Variants in POLN observed in about 807,000 individuals in gnomAD.
POLN encodes the protein DNA polymerase nu, also known as DNA polymerase N.
Under a neutral mutation model 113.5 loss-of-function variants are expected in POLN, and 108 were observed. That is an observed-to-expected ratio of 0.95 (90% CI 0.81 to 1.12). POLN has a LOEUF of 1.12. Ranked by LOEUF, POLN falls within the 50% of genes most tolerant of loss-of-function variation. The probability of loss-of-function intolerance (pLI) is 0.00; values close to 1 mark genes in which losing one functional copy is unlikely to be tolerated. For synonymous variants in POLN, 386 were observed against 391.5 expected, an observed-to-expected ratio of 0.99 and a Z score of 0.17; for missense variants, 1,097 against 1,077.1, an observed-to-expected ratio of 1.02 and a Z score of -0.26.
intron 20 of POLN, chr4:2,090,753 T>C (rs542816190): frequency 1.6e-5 from 3 of 182,510 alleles, no homozygotes; most frequent in African/African-American, 2.4e-5. Context: ...TCTGTCTCCC[T>C]GTAGTGGGAA....
At chr4:2,074,208 C>T (rs34333887) in intron 24 of POLN, among the ~76,000 whole-genome samples, 52 of 152,322 alleles carry the variant, frequency 3.4e-4, no homozygotes, top group African/African-American at 1.2e-3. Flanking sequence ...TCAGCTGGAG[C>T]GCTCCCTGTG....
intron 19 of POLN, among the ~76,000 whole-genome samples, 156 bp from the exon 20 acceptor site, chr4:2,096,089 G>C (rs1730783362): frequency 2.0e-5 from 3 of 152,326 alleles, no homozygotes; most frequent in Admixed American, 2.0e-4. Context: ...TTCCATACCT[G>C]TGGTGTCAGC....
intron 6 of POLN, among the ~76,000 whole-genome samples, chr4:2,196,864 G>A (rs1332134090): frequency 2.0e-5 from 3 of 152,180 alleles, no homozygotes; most frequent in African/African-American, 7.2e-5. Context: ...AAAGGAATGA[G>A]GCAGTAAACC....
intron 7 of POLN, among the ~76,000 whole-genome samples, chr4:2,182,952 C>T (rs1026912185): frequency 6.6e-6 from 1 of 151,798 alleles, no homozygotes; most frequent in African/African-American, 2.4e-5. Context: ...ATAATTCTTA[C>T]AAATAAACAA....
chr4:2,238,573 AT>A, intron 2 of POLN: 1 of 1,385,276 alleles, frequency 7.2e-7, no homozygotes, highest in East Asian at 2.4e-5. Flanking sequence ...AAAAGGAAAT[AT>A]TTACTAAAGA....
In POLN at chr4:2,232,711, T is replaced by C. The variant is rs1392628517; in HGVS notation, c.-12-3468A>G. Among the ~76,000 whole-genome samples, 6 of 152,204 alleles carry C rather than the reference T, an allele frequency of 3.9e-5. No individual in the cohort carries two copies. In the East Asian group the frequency reaches 1.2e-3, roughly 29 times the overall value. On this transcript the variant is annotated intron_variant, in intron 2 of 25. Transcript: ENST00000511885. ...CGAAAACCATCCTAATCATATAATT[T>C]TCCTGCTCAAGAATCTAGCCATGCC...
At position 2,176,118 on chromosome 4, in the gene POLN, C is replaced by T. The variant is rs566886273; in HGVS notation, c.1248+148G>A. The T allele has an allele frequency of 1.7e-5, 12 of 687,860 alleles. No homozygotes were observed. In the South Asian group the frequency reaches 2.2e-4, roughly 12 times the overall value. 42.6% of individuals were successfully genotyped at this position (687,860 alleles called of 1,614,324 possible). The stretch of plus-strand genomic sequence containing the variant: ...TTCAGTTCTTATCATTCTAGACAAC[C>T]CTTTTCTGAGTAATGCACAGGTTAA... On this transcript the variant is annotated intron_variant, in intron 9 of 25. Transcript: ENST00000511885.
chr4:2,165,038 T>C (rs374908094), intron 13 of POLN, among the ~76,000 whole-genome samples: 4 of 152,084 alleles, frequency 2.6e-5, no homozygotes, highest in East Asian at 1.9e-4. Context: ...CAAAACTAAA[T>C]GTACTCTTAT....
intron 16 of POLN, among the ~76,000 whole-genome samples, chr4:2,139,162 CACACT>C (rs1731934679): frequency 1.3e-5 from 2 of 152,160 alleles, no homozygotes; most frequent in Non-Finnish European, 2.9e-5. Flanking sequence ...AGGGCAGAGC[CACACT>C]GGGTCACCAG....
chr4:2,081,627 T>A lies in POLN; in HGVS notation c.2308+6A>T. 1 of 1,614,044 alleles carries A rather than the reference T, an allele frequency of 6.2e-7. No individual in the cohort carries two copies. Among genetic ancestry groups the A allele is most frequent in the Non-Finnish European group, 8.5e-7 (1 of 1,179,852 alleles). On this transcript the variant is annotated splice_donor_region_variant and intron_variant, in intron 22 of 25. Coordinates refer to ENST00000511885, the MANE Select transcript of POLN (RefSeq NM_181808.4). ...CACAGAACTACAGGTAAGAGGCTTCTGGTACCTTGCACCACGAAGTTCACT... is the reference window on the plus strand; with the variant it reads ...CACAGAACTACAGGTAAGAGGCTTCAGGTACCTTGCACCACGAAGTTCACT...
chr4:2,075,921 G>A (rs1730263987), intron 23 of POLN, among the ~76,000 whole-genome samples: 1 of 152,120 alleles, frequency 6.6e-6, no homozygotes, highest in South Asian at 2.1e-4. Context: ...GGGCAGGGAT[G>A]GAAAAACAGC....
intron 17 of POLN, among the ~76,000 whole-genome samples, chr4:2,130,476 C>G (rs1216078723): frequency 6.6e-6 from 1 of 152,184 alleles, no homozygotes; most frequent in Non-Finnish European, 1.5e-5. Context: ...CAGATTTGAA[C>G]TTTTTCTTTT....
chr4:2,081,530 A>G, intron 22 of POLN, 103 bp downstream of exon 22: 1 of 1,118,106 alleles, frequency 8.9e-7, no homozygotes, highest in Non-Finnish European at 1.3e-6. Flanking sequence ...TGTGATGAGC[A>G]GGAAATACCG....
rs528206301 is a variant in POLN, at chr4:2,137,049, G to A, written c.1732-5759C>T. On this transcript the variant is annotated intron_variant, in intron 16 of 25. Transcript: ENST00000511885. Reference sequence around the variant, plus strand: ...CTCTGCCCTCTGGACACAGCCTCCCGGGGCAGGGCCCACGGCGTTTTCACC... The same window carrying A: ...CTCTGCCCTCTGGACACAGCCTCCCAGGGCAGGGCCCACGGCGTTTTCACC... 2.4e-4 allele frequency among the ~76,000 whole-genome samples: 36 copies of A among 152,358 alleles called. No homozygotes were observed. In the East Asian group the frequency reaches 2.7e-3, roughly 11 times the overall value.
chr4:2,085,783 A>G, intron 20 of POLN, 39 bp from the exon 21 acceptor site: 2 of 1,598,872 alleles, frequency 1.3e-6, no homozygotes, highest in Non-Finnish European at 1.7e-6. Flanking sequence ...CCTCACTCAC[A>G]CCAGCCGTGA....
chr4:2,196,926 T>A (rs930744305), intron 6 of POLN, among the ~76,000 whole-genome samples: 1 of 152,118 alleles, frequency 6.6e-6, no homozygotes. Context: ...ACCAGGCCCT[T>A]GGGTAGAGGC....
intron 2 of POLN, chr4:2,236,330 A>G: frequency 1.9e-6 from 3 of 1,613,312 alleles, no homozygotes; most frequent in Non-Finnish European, 2.5e-6. Flanking sequence ...GTTCTTGAGC[A>G]GATACTGCCA....
At chr4:2,107,601 A>C (rs1333140725) in intron 19 of POLN, among the ~76,000 whole-genome samples, 1 of 152,180 alleles carries the variant, frequency 6.6e-6, no homozygotes, top group Non-Finnish European at 1.5e-5. Context: ...GTGGGAGATA[A>C]CGAAGGCCTG....
At position 2,240,287 on chromosome 4, in the gene POLN, T is replaced by A. The variant is rs761997635; in HGVS notation, c.-13+1233A>T. 12 of 1,612,440 alleles carry A rather than the reference T, an allele frequency of 7.4e-6. No individual in the cohort carries two copies. The highest frequency in any genetic ancestry group is 9.3e-6 in the Non-Finnish European group (11 of 1,179,002). On this transcript the variant is annotated intron_variant, in intron 2 of 25. Transcript: ENST00000511885. ...CTTCATGTATACCCTGAAAGAACTG[T>A]TTTTTGGTATACAAAGTTAATGCTG...
Sources: allele counts gnomAD v4.1 joint callset (sites outside exome capture counted in the v4.1 genomes callset), GRCh38; gene constraint gnomAD v4.1.1; transcripts MANE v1.5; gene names NCBI Gene and HGNC (gene_info 2026-07-23, HGNC 2026-07-21).